FAT3: variants seen among roughly 807,000 people sequenced by gnomAD.
FAT3 encodes the protein FAT atypical cadherin 3.
A neutral mutation model predicts 310.2 loss-of-function variants in FAT3; 95 were observed. The observed-to-expected ratio is 0.31, with a 90% confidence interval of 0.26 to 0.36. The LOEUF is 0.36. Among genes scored for constraint, FAT3 ranks in the 10% least tolerant of loss-of-function variants. FAT3 has a pLI of 1.00. For synonymous variants in FAT3, 2,314 were observed against 2,192.9 expected (o/e 1.06, Z -1.54); for missense variants, 5,408 against 5,715.6 (o/e 0.95, Z 1.74).
At chr11:92,432,319 G>T (rs1254615912) in intron 2 of FAT3, among the ~76,000 whole-genome samples, 1 of 152,178 alleles carries the variant, frequency 6.6e-6, no homozygotes, top group Non-Finnish European at 1.5e-5. Flanking sequence ...GTACAAGAAT[G>T]CTTGTGATTT....
chr11:92,451,907 A>T (rs1591308829), intron 2 of FAT3, among the ~76,000 whole-genome samples: 1 of 152,210 alleles, frequency 6.6e-6, no homozygotes, highest in South Asian at 2.1e-4. Context: ...CTGGTCACAT[A>T]GGAGTAGATG....
chr11:92,312,002 A>C (rs114438548), intron 1 of FAT3, among the ~76,000 whole-genome samples: 4,053 of 151,904 alleles, frequency 0.027, 197 homozygotes, highest in African/African-American at 0.092. Context: ...GAAAAAAAAA[A>C]CAAATACTTC....
intron 3 of FAT3, among the ~76,000 whole-genome samples, chr11:92,620,501 A>G (rs1941035305): frequency 6.6e-6 from 1 of 152,174 alleles, no homozygotes; most frequent in African/African-American, 2.4e-5. Context: ...GTGCTTGAAA[A>G]CATTTTACCT....
chr11:92,521,349 A>G (rs1953675691), intron 2 of FAT3, among the ~76,000 whole-genome samples: 1 of 152,158 alleles, frequency 6.6e-6, no homozygotes, highest in Admixed American at 6.6e-5. Flanking sequence ...AATCACAAAG[A>G]CTGTGAGAAT....
intron 1 of FAT3, among the ~76,000 whole-genome samples, chr11:92,281,576 G>C (rs1479707003): frequency 1.3e-5 from 2 of 151,992 alleles, no homozygotes; most frequent in Non-Finnish European, 2.9e-5. Context: ...ATCTCTCCCT[G>C]GTCCTAAACT....
chr11:92,756,530 G>C (rs1945995467), intron 4 of FAT3, among the ~76,000 whole-genome samples: 1 of 152,270 alleles, frequency 6.6e-6, no homozygotes, highest in South Asian at 2.1e-4. Context: ...TGAATTAATG[G>C]ATAAGGAAAA....
chr11:92,300,053 A>C (rs1251353984), intron 1 of FAT3, among the ~76,000 whole-genome samples: 1 of 152,148 alleles, frequency 6.6e-6, no homozygotes, highest in African/African-American at 2.4e-5. Flanking sequence ...ATGATTCAAA[A>C]TGAGTAAGTC....
chr11:92,471,860 C>CATTTAGTAGCATA, intron 2 of FAT3, among the ~76,000 whole-genome samples: 1 of 147,148 alleles, frequency 6.8e-6, no homozygotes, highest in East Asian at 2.0e-4. Flanking sequence ...AAATAAATCT[C>CATTTAGTAGCATA]AAAAAACATA....
At chr11:92,487,842 T>C (rs1461044884) in intron 2 of FAT3, among the ~76,000 whole-genome samples, 2 of 152,198 alleles carry the variant, frequency 1.3e-5, no homozygotes, top group Non-Finnish European at 2.9e-5. Context: ...AACATGAGCA[T>C]GCACCACAGT....
Position 92,487,730 on chromosome 11 carries a change from A to G in FAT3, c.3293-36904A>G, listed in dbSNP as rs78699434. Among the ~76,000 whole-genome samples the G allele has an allele frequency of 6.1e-4, 93 of 152,312 alleles. 3 individuals carry two copies. The East Asian group carries it at 0.017, about 28-fold the overall frequency. On this transcript the variant is annotated intron_variant, in intron 2 of 27. Coordinates refer to ENST00000525166, the MANE Select transcript of FAT3 (RefSeq NM_001367949.2). ...TCCAAAGCCCATGCTCTTAACCTCA[A>G]TGTTAAACTGTATAATCTAATAGGG...
At chr11:92,557,912 A>T (rs547075663) in intron 3 of FAT3, among the ~76,000 whole-genome samples, 9 of 152,328 alleles carry the variant, frequency 5.9e-5, no homozygotes, top group Admixed American at 2.0e-4. Flanking sequence ...ATTCACCAGG[A>T]TTGCCTTTGA....
At chr11:92,690,909 C>G (rs1343157156) in intron 3 of FAT3, among the ~76,000 whole-genome samples, 1 of 152,102 alleles carries the variant, frequency 6.6e-6, no homozygotes, top group African/African-American at 2.4e-5. Flanking sequence ...TGTATTTTCC[C>G]TATTTAAAAG....
intron 3 of FAT3, among the ~76,000 whole-genome samples, chr11:92,610,413 G>C (rs557724100): frequency 1.3e-5 from 2 of 152,144 alleles, no homozygotes; most frequent in Admixed American, 6.5e-5. Flanking sequence ...GTTTATTTAT[G>C]TTGTAATACT....
intron 4 of FAT3, among the ~76,000 whole-genome samples, chr11:92,739,353 G>A (rs1426672730): frequency 6.6e-6 from 1 of 152,110 alleles, no homozygotes; most frequent in Non-Finnish European, 1.5e-5. Context: ...TTATGGTAAT[G>A]GTCCTATCCA....
intron 1 of FAT3, among the ~76,000 whole-genome samples, chr11:92,238,444 G>A (rs941591046): frequency 6.6e-6 from 1 of 152,256 alleles, no homozygotes; most frequent in South Asian, 2.1e-4. Context: ...CTGGTTGGAA[G>A]AGGAACTGAG....
chr11:92,465,998 G>A (rs1460622463), intron 2 of FAT3, among the ~76,000 whole-genome samples: 3 of 152,198 alleles, frequency 2.0e-5, no homozygotes, highest in African/African-American at 7.2e-5. Context: ...AATAAGTGTT[G>A]AAAAGCACTT....
At chr11:92,653,967 A>G (rs1459811390) in intron 3 of FAT3, among the ~76,000 whole-genome samples, 1 of 152,138 alleles carries the variant, frequency 6.6e-6, no homozygotes, top group Non-Finnish European at 1.5e-5. Flanking sequence ...AAGCTTTTCC[A>G]TCTTTAGTTT....
At chr11:92,295,489 A>T (rs922716622) in intron 1 of FAT3, among the ~76,000 whole-genome samples, 2 of 152,142 alleles carry the variant, frequency 1.3e-5, no homozygotes, top group Non-Finnish European at 1.5e-5. Flanking sequence ...TGAATTATGG[A>T]TGCAGGGTCA....
At chr11:92,491,827 G>A (rs1017532317) in intron 2 of FAT3, among the ~76,000 whole-genome samples, 1 of 152,030 alleles carries the variant, frequency 6.6e-6, no homozygotes, top group African/African-American at 2.4e-5. Flanking sequence ...TGATACAGGT[G>A]GGTAGCCTGG....
Sources: gnomAD v4.1 joint callset for allele counts (sites outside exome capture counted in the v4.1 genomes callset) on GRCh38, gnomAD v4.1.1 for gene constraint, MANE v1.5 for transcripts, NCBI Gene and HGNC (gene_info 2026-07-23, HGNC 2026-07-21) for gene names.